PPFIA4: variants seen among roughly 807,000 people sequenced by gnomAD.
The protein encoded by PPFIA4 is liprin-alpha-4.
A neutral mutation model predicts 145.7 loss-of-function variants in PPFIA4; 98 were observed. The observed-to-expected ratio is 0.67, with a 90% CI of 0.57 to 0.80. The LOEUF is 0.80. Ranked by LOEUF, PPFIA4 falls within the 30% of genes least tolerant of loss-of-function variation. The pLI, the probability that PPFIA4 is intolerant of heterozygous loss-of-function variation, is 0.00. For synonymous variants in PPFIA4, 628 were observed against 649.6 expected, an observed-to-expected ratio of 0.97 and a Z score of 0.51; for missense variants, 1,457 against 1,632.7, an observed-to-expected ratio of 0.89 and a Z score of 1.85.
chr1:203,051,558 C>G, intron 13 of PPFIA4: 1 of 919,162 alleles, frequency 1.1e-6, no homozygotes. Context: ...GGAACTTTCT[C>G]CCCTGGCTCA....
chr1:203,068,178 A>C lies in PPFIA4; in HGVS notation c.3149-275A>C, dbSNP rs1045219214. Among the ~76,000 whole-genome samples, 17 of 152,116 alleles carry C rather than the reference A, an allele frequency of 1.1e-4. No homozygotes were observed. The highest frequency in any genetic ancestry group is 4.1e-4 in the African/African-American group (17 of 41,414). ...CATTCCAGCTTGGGTCAGGGGGATG[A>C]CCCGTGCAAGGGTTCTGGGGAGAAA... On this transcript the variant is annotated intron_variant, in intron 26 of 29. Coordinates refer to ENST00000295706, the MANE Select transcript of PPFIA4 (RefSeq NM_001304331.2). This position sits in a 1 kb window ranked among gnomAD's most constrained non-coding sequence, Gnocchi z 4.7.
intron 25 of PPFIA4, among the ~76,000 whole-genome samples, chr1:203,065,613 A>T (rs536600100): frequency 1.3e-5 from 2 of 152,266 alleles, no homozygotes; most frequent in Admixed American, 1.3e-4. Context: ...TTTCTAAAGC[A>T]TTTTCACATC....
intron 9 of PPFIA4, among the ~76,000 whole-genome samples, chr1:203,047,649 C>T (rs1437369892): frequency 6.6e-6 from 1 of 152,180 alleles, no homozygotes; most frequent in Non-Finnish European, 1.5e-5. Context: ...CCATGCGGGG[C>T]TAACATTTGT....
At chr1:203,045,090 G>A (rs1299442650) in intron 6 of PPFIA4, among the ~76,000 whole-genome samples, 1 of 152,132 alleles carries the variant, frequency 6.6e-6, no homozygotes, top group Non-Finnish European at 1.5e-5. Flanking sequence ...TGTTCCCCCA[G>A]TCACGCCCCT....
intron 27 of PPFIA4, among the ~76,000 whole-genome samples, chr1:203,069,527 C>T (rs1482065661): frequency 2.0e-5 from 3 of 152,212 alleles, no homozygotes; most frequent in Admixed American, 6.5e-5. Context: ...CATATAGACT[C>T]GCCTCTGTCC....
intron 24 of PPFIA4, 34 bp from the exon 25 acceptor site, chr1:203,063,794 C>G (rs1416262): frequency 6.2e-7 from 1 of 1,611,714 alleles, no homozygotes; most frequent in South Asian, 1.1e-5. Context: ...TACCTTCCTC[C>G]CCCATAATAG....
chr1:203,039,047 C>T lies in PPFIA4; in HGVS notation c.39C>T (p.Arg13=). ...TGCCCACAATCAATGAGGGGGACCG[C>T]CTGGGTCCCCCTCATGGCGCCGATG... ...EVMPTINEGD[R]LGPPHGADAD... Residue 13 remains arginine (R), a synonymous_variant, in exon 2 of 30, where the codon CGC becomes CGT. Transcript: ENST00000295706. 1 of 1,578,976 alleles carries T rather than the reference C, an allele frequency of 6.3e-7. No homozygotes were observed. Among genetic ancestry groups the T allele is most frequent in the Non-Finnish European group, 8.6e-7 (1 of 1,157,630 alleles).
chr1:203,034,403 CA>C (rs1659067797), intron 1 of PPFIA4: 11 of 453,136 alleles, frequency 2.4e-5, no homozygotes, highest in South Asian at 1.7e-4. Context: ...TCTGGGGGTA[CA>C]AAGCTAGACA....
Position 203,059,754 on chromosome 1 carries a change from T to C in PPFIA4, c.2502-16T>C, listed in dbSNP as rs1661228197. 4 of 1,609,348 alleles carry C rather than the reference T, an allele frequency of 2.5e-6. No individual in the cohort carries two copies. The African/African-American group carries it at 4.0e-5, about 16-fold the overall frequency. ...GAAGGAAGAACTAGTGAGTCTGTTGTTCCTCTTCCTATAAGACACCAGCTG... is the reference window on the plus strand; with the variant it reads ...GAAGGAAGAACTAGTGAGTCTGTTGCTCCTCTTCCTATAAGACACCAGCTG... On this transcript the variant is annotated splice_polypyrimidine_tract_variant and intron_variant, in intron 20 of 29. Transcript: ENST00000295706.
intron 1 of PPFIA4, among the ~76,000 whole-genome samples, chr1:203,028,589 C>T (rs1323653390): frequency 6.6e-6 from 1 of 152,056 alleles, no homozygotes; most frequent in African/African-American, 2.4e-5. Flanking sequence ...ACTGTGTTGG[C>T]TCCATAGGTG....
intron 6 of PPFIA4, 82 bp from the exon 7 acceptor site, chr1:203,045,286 C>T (rs1167087792): frequency 1.6e-6 from 2 of 1,265,864 alleles, no homozygotes; most frequent in African/African-American, 3.0e-5. Flanking sequence ...GTGTGCTGTT[C>T]CTCCTTCCAC....
intron 1 of PPFIA4, chr1:203,034,770 C>A: frequency 2.2e-6 from 1 of 452,326 alleles, no homozygotes; most frequent in South Asian, 1.6e-5. Flanking sequence ...GCTGCCATCA[C>A]CCTGATGAGG....
At chr1:203,029,396 G>A (rs148851919) in intron 1 of PPFIA4, among the ~76,000 whole-genome samples, 267 of 152,340 alleles carry the variant, frequency 1.8e-3, no homozygotes, top group Non-Finnish European at 3.0e-3. Flanking sequence ...AGTTAATTCC[G>A]TTGGTCAAAC....
intron 1 of PPFIA4, chr1:203,035,503 C>CT (rs397771953): frequency 1.8e-5 from 8 of 446,750 alleles, no homozygotes; most frequent in Non-Finnish European, 2.7e-5. Flanking sequence ...TCCCCCACCC[C>CT]CACACACGCA....
Position 203,045,371 on chromosome 1 carries a change from G to A in PPFIA4, c.670G>A (p.Asp224Asn). The A allele has an allele frequency of 1.9e-6, 3 of 1,592,578 alleles. No individual in the cohort carries two copies. The highest frequency in any genetic ancestry group is 2.6e-6 in the Non-Finnish European group (3 of 1,170,132). ...ELGPKRLWKE[D>N]TGRVEELQEL... ...GCTACTGTCCCTATCCCTGGAGGAGGATACGGGCCGGGTAGAGGAGCTGCA... is the reference window on the plus strand; with the variant it reads ...GCTACTGTCCCTATCCCTGGAGGAGAATACGGGCCGGGTAGAGGAGCTGCA... The change falls in exon 7 of 30, where the codon GAT becomes AAT. Residue 224 changes from aspartate (D) to asparagine (N), a missense_variant. Physicochemically the swap from Asp to Asn is conservative, Grantham distance 23. Around this residue, in one of 3 missense-constraint regions of PPFIA4, gnomAD observed 463 missense variants for 459.8 expected, o/e 1.01. Transcript: ENST00000295706.
Position 203,076,677 on chromosome 1 carries a change from A to T in PPFIA4, c.*287A>T. 4.0e-6 allele frequency: 2 copies of T among 498,714 alleles called. No homozygotes were observed. The highest frequency in any genetic ancestry group is 7.0e-5 in the Admixed American group (2 of 28,678). The allele number at this position is 498,714 out of a possible 1,614,324, so 30.9% of individuals were successfully genotyped here. ...TGGGGGAAGGAGAGAAGGGCAGCTCAGGGTGGATGTGAAGCCACCCTTCCT... is the reference window on the plus strand; with the variant it reads ...TGGGGGAAGGAGAGAAGGGCAGCTCTGGGTGGATGTGAAGCCACCCTTCCT... On this transcript the variant is annotated 3_prime_UTR_variant, in exon 30 of 30. Coordinates refer to ENST00000295706, the MANE Select transcript of PPFIA4 (RefSeq NM_001304331.2).
intron 19 of PPFIA4, among the ~76,000 whole-genome samples, chr1:203,058,795 A>T (rs1290822821): frequency 6.6e-6 from 1 of 152,080 alleles, no homozygotes; most frequent in Non-Finnish European, 1.5e-5. Flanking sequence ...CCCCTGACCC[A>T]AGCCAGGGTC....
chr1:203,069,755 A>ACCCT lies in PPFIA4; in HGVS notation c.3324+1130_3324+1131insTCCC, dbSNP rs1553260595. ...TGTGTCCTGTAGGCATTCTGCAGTG[A>ACCCT]CCCCCCCGCCCCGCCCCCACCCCAA... On this transcript the variant is annotated intron_variant, in intron 27 of 29. Coordinates refer to ENST00000295706, the MANE Select transcript of PPFIA4 (RefSeq NM_001304331.2). Among the ~76,000 whole-genome samples, 357 of 104,682 alleles carry ACCCT rather than the reference A, an allele frequency of 3.4e-3. 5 individuals carry two copies. Among genetic ancestry groups the ACCCT allele is most frequent in the South Asian group, 0.024 (66 of 2,804 alleles). 68.7% of individuals were successfully genotyped at this position (104,682 alleles called of 152,430 possible). A position where few individuals can be genotyped will look rare whatever the true frequency, so the allele number is the denominator to read the frequency against.
At position 203,043,516 on chromosome 1, in the gene PPFIA4, T is replaced by G; in HGVS notation, c.336+18T>G. ...ACACACGGGTAAGTGGGGATGACCT[T>G]GTGTCGCGCGCGCGCACGTGTGTGT... is the stretch of plus-strand genomic sequence containing the variant. On this transcript the variant is annotated intron_variant, in intron 3 of 29. Transcript: ENST00000295706. The surrounding 1 kb of genome is among the most constrained non-coding windows in gnomAD (Gnocchi z 4.4). 6.3e-7 allele frequency: 1 copy of G among 1,594,606 alleles called. No homozygotes were observed. Among genetic ancestry groups the G allele is most frequent in the Non-Finnish European group, 8.5e-7 (1 of 1,169,694 alleles).
Sources: gnomAD v4.1 joint callset for allele counts (sites outside exome capture counted in the v4.1 genomes callset) on GRCh38, gnomAD v4.1.1 for gene constraint, gnomAD v4.1.1 regional missense constraint, Gnocchi (gnomAD v3.1) non-coding constraint, MANE v1.5 for transcripts, NCBI Gene and HGNC (gene_info 2026-07-23, HGNC 2026-07-21) for gene names.